ATL1: variants seen among roughly 807,000 people sequenced by gnomAD.
The protein encoded by ATL1 is atlastin GTPase 1.
A neutral mutation model predicts 75.5 loss-of-function variants in ATL1; 31 were observed. The ratio of observed to expected loss-of-function variants is 0.41; its 90% CI spans 0.31 to 0.55. ATL1 has a LOEUF of 0.55. Ranked by LOEUF, ATL1 falls within the 20% of genes least tolerant of loss-of-function variation. The probability of loss-of-function intolerance (pLI) is 0.27; values close to 1 mark genes in which losing one functional copy is unlikely to be tolerated. For missense variants in ATL1, 405 were observed against 662.6 expected (o/e 0.61, Z 4.27); for synonymous variants, 226 against 233.3 (o/e 0.97, Z 0.28).
intron 6 of ATL1, among the ~76,000 whole-genome samples, chr14:50,611,288 C>A (rs546210155): frequency 1.1e-4 from 16 of 152,194 alleles, no homozygotes; most frequent in African/African-American, 3.9e-4. Context: ...TCATTACTTA[C>A]AACTGAAAGA....
At chr14:50,589,341 G>A (rs938813239) in intron 2 of ATL1, among the ~76,000 whole-genome samples, 1 of 151,762 alleles carries the variant, frequency 6.6e-6, no homozygotes, top group Non-Finnish European at 1.5e-5. Flanking sequence ...TGTATTTTTA[G>A]TAGAGACAGG....
rs548038034 is a variant in ATL1 at position 50,585,380 on chromosome 14, T to G, written c.35-2451T>G. 3.3e-5 allele frequency among the ~76,000 whole-genome samples: 5 copies of G among 152,334 alleles called. No homozygotes were observed. The East Asian group carries it at 9.6e-4, about 29-fold the overall frequency. Reference sequence around the variant, plus strand: ...TCTAGTTTTCTGCCCCAAAGCTGTTTCTCTATCCAAAATATTATGTCTAGC... The same window carrying G: ...TCTAGTTTTCTGCCCCAAAGCTGTTGCTCTATCCAAAATATTATGTCTAGC... On this transcript the variant is annotated intron_variant, in intron 1 of 13. Coordinates refer to ENST00000358385, the MANE Select transcript of ATL1 (RefSeq NM_015915.5).
intron 1 of ATL1, among the ~76,000 whole-genome samples, chr14:50,584,927 G>C (rs887855291): frequency 2.6e-5 from 4 of 151,884 alleles, no homozygotes; most frequent in Non-Finnish European, 5.9e-5. Flanking sequence ...GAAACTAGAA[G>C]ACTCTTGCTA....
intron 1 of ATL1, among the ~76,000 whole-genome samples, chr14:50,561,708 C>T (rs906187363): frequency 6.6e-6 from 1 of 152,158 alleles, no homozygotes; most frequent in African/African-American, 2.4e-5. Context: ...CATGACTTAG[C>T]TGAGTTTAAG....
intron 5 of ATL1, among the ~76,000 whole-genome samples, chr14:50,595,309 A>G (rs1428489097): frequency 6.6e-6 from 1 of 152,166 alleles, no homozygotes; most frequent in African/African-American, 2.4e-5. Context: ...TGAAAGTGTT[A>G]ATTTTAAAAA....
intron 6 of ATL1, among the ~76,000 whole-genome samples, chr14:50,612,418 T>G (rs1392636134): frequency 6.6e-6 from 1 of 152,138 alleles, no homozygotes; most frequent in Non-Finnish European, 1.5e-5. Flanking sequence ...CATTCAAAGG[T>G]ATAAAAAGTT....
intron 1 of ATL1, among the ~76,000 whole-genome samples, chr14:50,554,726 T>A (rs2038744270): frequency 6.6e-6 from 1 of 152,206 alleles, no homozygotes. Flanking sequence ...AGTTTAGAGA[T>A]GGGAGGTGGC....
At position 50,537,613 on chromosome 14, in the gene ATL1, C is replaced by A. The variant is rs1366763096; in HGVS notation, c.-140+4246C>A. On this transcript the variant is annotated intron_variant, in intron 1 of 13. Transcript: ENST00000441560. ...AAAGCAGCCAGAGGGAGGCTGTACC[C>A]TGCAAAGCCACAGGGGCAGAGCTGC... 2.0e-5 allele frequency among the ~76,000 whole-genome samples: 3 copies of A among 152,262 alleles called. No individual in the cohort carries two copies. In the East Asian group the frequency reaches 5.8e-4, roughly 29 times the overall value.
At chr14:50,627,957 TA>T in intron 11 of ATL1, 73 bp from the exon 12 acceptor site, 1 of 1,448,500 alleles carries the variant, frequency 6.9e-7, no homozygotes, top group Non-Finnish European at 9.6e-7. Context: ...CTCAACTAGC[TA>T]AGTGAAAAAT....
At chr14:50,556,889 C>T (rs2038771348), upstream of ATL1, among the ~76,000 whole-genome samples, 1 of 152,178 alleles carries the variant, frequency 6.6e-6, no homozygotes, top group African/African-American at 2.4e-5. Flanking sequence ...TTTATCCATT[C>T]ACTAGTTATT....
At chr14:50,560,698 C>G (rs2038829976) in intron 1 of ATL1, among the ~76,000 whole-genome samples, 1 of 152,164 alleles carries the variant, frequency 6.6e-6, no homozygotes, top group Non-Finnish European at 1.5e-5. Flanking sequence ...GGCGAGGGGT[C>G]GGGGATCTAG....
intron 1 of ATL1, among the ~76,000 whole-genome samples, chr14:50,546,334 C>T (rs2038631027): frequency 6.6e-6 from 1 of 152,020 alleles, no homozygotes; most frequent in African/African-American, 2.4e-5. Context: ...AATACTATCT[C>T]ATGGCTAGAG....
chr14:50,591,670 C>A (rs1466131960), intron 4 of ATL1, 31 bp downstream of exon 4: 1 of 1,486,560 alleles, frequency 6.7e-7, no homozygotes, highest in Non-Finnish European at 9.4e-7. Context: ...GATGATGTTT[C>A]TTTAACTAAA....
chr14:50,628,747 T>C (rs1303266310), intron 12 of ATL1, among the ~76,000 whole-genome samples: 1 of 152,176 alleles, frequency 6.6e-6, no homozygotes, highest in Non-Finnish European at 1.5e-5. Context: ...GGGGCAGTCT[T>C]GCTCTGTCAT....
intron 1 of ATL1, among the ~76,000 whole-genome samples, chr14:50,562,084 G>T (rs980081662): frequency 1.3e-5 from 2 of 151,274 alleles, no homozygotes; most frequent in African/African-American, 4.9e-5. Flanking sequence ...TTGCTCTGTC[G>T]CCTAGGCTGG....
At chr14:50,568,850 C>CT (rs993525601) in intron 1 of ATL1, among the ~76,000 whole-genome samples, 18 of 151,564 alleles carry the variant, frequency 1.2e-4, no homozygotes, top group Admixed American at 4.6e-4. Flanking sequence ...ATTTTTCTAG[C>CT]TTTTTTTTGT....
chr14:50,601,540 C>T (rs115366269), intron 6 of ATL1, among the ~76,000 whole-genome samples: 58 of 152,260 alleles, frequency 3.8e-4, no homozygotes, highest in African/African-American at 1.3e-3. Flanking sequence ...GCTACCATGA[C>T]GTCAACCAAC....
At chr14:50,623,414 T>A (rs1382711006) in intron 11 of ATL1, among the ~76,000 whole-genome samples, 166 bp downstream of exon 11, 2 of 152,210 alleles carry the variant, frequency 1.3e-5, no homozygotes, top group Non-Finnish European at 2.9e-5. Flanking sequence ...GAAATATTTT[T>A]AAAAACATTG....
intron 1 of ATL1, among the ~76,000 whole-genome samples, chr14:50,577,290 C>T (rs979683320): frequency 7.2e-5 from 11 of 152,024 alleles, no homozygotes; most frequent in Admixed American, 7.2e-4. Flanking sequence ...TCTCAATCTC[C>T]TGACTTCGTG....
Sources: gnomAD v4.1 joint callset for allele counts (sites outside exome capture counted in the v4.1 genomes callset) on GRCh38, gnomAD v4.1.1 for gene constraint, MANE v1.5 for transcripts, NCBI Gene and HGNC (gene_info 2026-07-23, HGNC 2026-07-21) for gene names.